CDH15: variants seen among roughly 807,000 people sequenced by gnomAD.
CDH15 encodes the protein cadherin 15.
In CDH15, 73 loss-of-function variants were observed where a neutral mutation model predicts 69.4. The observed-to-expected ratio is 1.05, with a 90% CI of 0.87 to 1.28. CDH15 has a LOEUF of 1.28. Among genes scored for constraint, CDH15 ranks in the 50% most tolerant of loss-of-function variants. The pLI, the probability that CDH15 is intolerant of heterozygous loss-of-function variation, is 0.00. For synonymous variants in CDH15, 624 were observed against 507.7 expected (o/e 1.23, Z -3.08); for missense variants, 1,343 against 1,133.6 (o/e 1.18, Z -2.65).
In CDH15 at chr16:89,191,403, G is replaced by T. The variant is rs199691445; in HGVS notation, c.1306G>T (p.Val436Leu). The change falls in exon 9 of 14, where the codon GTG becomes TTG. Residue 436 changes from valine to leucine, a missense_variant. Val to Leu is a conservative substitution (Grantham distance 32, BLOSUM62 1). Coordinates refer to ENST00000289746, the MANE Select transcript of CDH15 (RefSeq NM_004933.3). ...AATGRIQTQH[V>L]LSPASPFLKG... is the part of the protein sequence containing the mutation. ...CACTGGCCGGATCCAGACCCAGCAC[G>T]TGCTCAGCCCGGCGTCCCCCTTCCT... The T allele has an allele frequency of 6.2e-7, 1 of 1,612,668 alleles. No individual in the cohort carries two copies. Among genetic ancestry groups the T allele is most frequent in the African/African-American group, 1.3e-5 (1 of 74,912 alleles).
At position 89,194,964 on chromosome 16, in the gene CDH15, A is replaced by G. The variant is rs1555594510; in HGVS notation, c.2254A>G (p.Ile752Val). Residue 752 changes from isoleucine to valine, a missense_variant, in exon 14 of 14, where the codon ATC (isoleucine) becomes GTC (valine). Transcript: ENST00000289746. ...DGSVAGTLSS[I>V]LSSQGDEDQD... ...CTCGGTGGCGGGGACGCTGAGCTCCATCCTGTCCAGCCAGGGCGATGAGGA... is the reference window on the plus strand; with the variant it reads ...CTCGGTGGCGGGGACGCTGAGCTCCGTCCTGTCCAGCCAGGGCGATGAGGA... The G allele has an allele frequency of 1.2e-6, 2 of 1,610,684 alleles. No individual in the cohort carries two copies. The highest frequency in any genetic ancestry group is 1.7e-6 in the Non-Finnish European group (2 of 1,179,150).
chr16:89,180,082 A>T (rs1033403660), intron 2 of CDH15, 118 bp from the exon 3 acceptor site: 1 of 1,113,474 alleles, frequency 9.0e-7, no homozygotes, highest in African/African-American at 1.6e-5. Flanking sequence ...TCCGTCCTCC[A>T]GTCCTAGGAG....
chr16:89,179,306 A>C, intron 1 of CDH15, 110 bp from the exon 2 acceptor site: 1 of 1,290,078 alleles, frequency 7.8e-7, no homozygotes, highest in South Asian at 1.2e-5. Flanking sequence ...CCGTGGGCTG[A>C]GGGAAACACT....
At chr16:89,180,054 C>T in intron 2 of CDH15, 146 bp from the exon 3 acceptor site, 1 of 882,138 alleles carries the variant, frequency 1.1e-6, no homozygotes, top group Non-Finnish European at 1.8e-6. Context: ...CAGCACAGCT[C>T]CTCATTGGGT....
At chr16:89,185,120 C>A in intron 4 of CDH15, 53 bp from the exon 5 acceptor site, 1 of 1,537,680 alleles carries the variant, frequency 6.5e-7, no homozygotes, top group Non-Finnish European at 8.8e-7. Flanking sequence ...CACAATGCCC[C>A]CAGCCCATCG....
At chr16:89,186,484 G>C (rs74187036) in intron 5 of CDH15, among the ~76,000 whole-genome samples, 2 of 127,266 alleles carry the variant, frequency 1.6e-5, no homozygotes, top group Non-Finnish European at 3.4e-5. Context: ...CCCACCCAGC[G>C]CACAGTAGGT....
intron 5 of CDH15, 57 bp from the exon 6 acceptor site, chr16:89,187,372 G>A (rs748587499): frequency 6.2e-7 from 1 of 1,605,608 alleles, no homozygotes; most frequent in Non-Finnish European, 8.5e-7. Flanking sequence ...CCCCTGACCA[G>A]TCCCCATGTG....
intron 1 of CDH15, among the ~76,000 whole-genome samples, chr16:89,173,675 G>A (rs939768693): frequency 6.6e-5 from 10 of 152,194 alleles, no homozygotes; most frequent in African/African-American, 1.7e-4. Context: ...GTCCTGGGCC[G>A]CCTCCTGGTG....
intron 6 of CDH15, 95 bp from the exon 7 acceptor site, chr16:89,188,005 G>T (rs754118997): frequency 4.4e-5 from 37 of 835,258 alleles, no homozygotes; most frequent in Admixed American, 1.2e-4. Flanking sequence ...GCAGGAGGGA[G>T]GGTGGGAGGG....
chr16:89,194,863 G>A lies in CDH15; in HGVS notation c.2153G>A (p.Gly718Asp). The change falls in exon 14 of 14, where the codon GGC (glycine) becomes GAC (aspartate). Residue 718 changes from glycine to aspartate, a missense_variant and splice_region_variant. Gly to Asp is a moderately conservative substitution (Grantham distance 94). Transcript: ENST00000289746. ...TGAGCTCTCCGGGCCTCTTTATAGG[G>A]CTTGGAGGCTGCAGATAGTGACCCC... ...PLDIADFIND[G>D]LEAADSDPSV... 3 of 1,602,212 alleles carry A rather than the reference G, an allele frequency of 1.9e-6. No individual in the cohort carries two copies. The highest frequency in any genetic ancestry group is 2.2e-5 in the South Asian group (2 of 89,694).
At chr16:89,184,643 T>C (rs1199200101) in intron 4 of CDH15, among the ~76,000 whole-genome samples, 8 of 151,794 alleles carry the variant, frequency 5.3e-5, no homozygotes, top group Non-Finnish European at 7.4e-5. Flanking sequence ...TCTTATCCTG[T>C]CCGTGCGTCC....
At chr16:89,181,679 C>G (rs1347059669) in intron 3 of CDH15, among the ~76,000 whole-genome samples, 1 of 151,826 alleles carries the variant, frequency 6.6e-6, no homozygotes, top group African/African-American at 2.4e-5. Flanking sequence ...GTGGCTCACG[C>G]CTGTAATCCC....
At chr16:89,190,057 C>A (rs1189885633) in intron 7 of CDH15, among the ~76,000 whole-genome samples, 186 bp from the exon 8 acceptor site, 1 of 152,240 alleles carries the variant, frequency 6.6e-6, no homozygotes, top group Non-Finnish European at 1.5e-5. Flanking sequence ...CCACACACAA[C>A]CAGCATTTTA....
chr16:89,183,193 A>C (rs900939136), intron 3 of CDH15: 4 of 211,170 alleles, frequency 1.9e-5, no homozygotes, highest in South Asian at 9.2e-5. Flanking sequence ...AAAAAAAAAA[A>C]CAAAAAACAA....
At position 89,171,781 on chromosome 16, in the gene CDH15, C is replaced by G; in HGVS notation, c.-51C>G. The G allele has an allele frequency of 6.5e-7, 1 of 1,532,430 alleles. No homozygotes were observed. The highest frequency in any genetic ancestry group is 8.8e-7 in the Non-Finnish European group (1 of 1,139,476). The allele number at this position is 1,532,430 out of a possible 1,614,324, so 94.9% of individuals were successfully genotyped here. ...CTTGCGCTGTCACTCAGCCTGGACGCGCTTCTTCGGGTCGCGGGTGCACTC... is the reference window on the plus strand; with the variant it reads ...CTTGCGCTGTCACTCAGCCTGGACGGGCTTCTTCGGGTCGCGGGTGCACTC... On this transcript the variant is annotated 5_prime_UTR_variant, in exon 1 of 14. Coordinates refer to ENST00000289746, the MANE Select transcript of CDH15 (RefSeq NM_004933.3).
intron 8 of CDH15, 138 bp from the exon 9 acceptor site, chr16:89,191,192 T>C (rs1201058574): frequency 2.1e-6 from 2 of 930,572 alleles, no homozygotes; most frequent in South Asian, 2.8e-5. Flanking sequence ...TGTGTATATG[T>C]TGTGTGCATG....
chr16:89,180,133 G>T, intron 2 of CDH15, 67 bp from the exon 3 acceptor site: 1 of 1,567,816 alleles, frequency 6.4e-7, no homozygotes, highest in South Asian at 1.1e-5. Flanking sequence ...GGGGCCTGAG[G>T]GGCTGCAGAG....
At chr16:89,187,612 T>C (rs1293972832) in intron 6 of CDH15, 55 bp downstream of exon 6, 12 of 1,608,184 alleles carry the variant, frequency 7.5e-6, no homozygotes, top group African/African-American at 2.7e-5. Context: ...TGCCTTCCCT[T>C]CTTGGGCTCC....
intron 7 of CDH15, among the ~76,000 whole-genome samples, chr16:89,188,767 GAT>G (rs1915558801): frequency 1.5e-5 from 2 of 131,082 alleles, no homozygotes; most frequent in African/African-American, 5.9e-5. Flanking sequence ...CCCACACACA[GAT>G]GCCCACACAC....
Sources: allele counts gnomAD v4.1 joint callset (sites outside exome capture counted in the v4.1 genomes callset), GRCh38; gene constraint gnomAD v4.1.1; transcripts MANE v1.5; gene names NCBI Gene and HGNC (gene_info 2026-07-23, HGNC 2026-07-21).